TENM4: variants seen among roughly 807,000 people sequenced by gnomAD.
The protein encoded by TENM4 is teneurin transmembrane protein 4.
In TENM4, 82 loss-of-function variants were observed where a neutral mutation model predicts 243.3. The observed-to-expected ratio is 0.34, with a 90% CI of 0.28 to 0.40. TENM4 has a LOEUF of 0.40. Among genes scored for constraint, TENM4 ranks in the 10% least tolerant of loss-of-function variants. The pLI is 1.00. For synonymous variants in TENM4, 1,412 were observed against 1,456.3 expected (o/e 0.97, Z 0.69); for missense variants, 3,138 against 3,673.3 (o/e 0.85, Z 3.77).
chr11:78,704,726 AG>A (rs1459763407), intron 27 of TENM4, among the ~76,000 whole-genome samples: 2 of 152,214 alleles, frequency 1.3e-5, no homozygotes, highest in Non-Finnish European at 2.9e-5. Flanking sequence ...GTAAGATTAA[AG>A]GTGATTTTAA....
At chr11:79,215,131 T>G (rs1424070003) in intron 3 of TENM4, among the ~76,000 whole-genome samples, 1 of 152,218 alleles carries the variant, frequency 6.6e-6, no homozygotes, top group South Asian at 2.1e-4. Context: ...CCTCCCTCAA[T>G]GTAACCAGTT....
At chr11:79,063,198 C>G (rs76393402) in intron 6 of TENM4, among the ~76,000 whole-genome samples, 1 of 152,204 alleles carries the variant, frequency 6.6e-6, no homozygotes, top group Non-Finnish European at 1.5e-5. Context: ...CCTGACCGTG[C>G]GTGGTCTCCT....
At chr11:78,724,381 G>A (rs1323059617) in intron 23 of TENM4, among the ~76,000 whole-genome samples, 4 of 152,256 alleles carry the variant, frequency 2.6e-5, no homozygotes, top group African/African-American at 9.6e-5. Flanking sequence ...CATGAGCCAC[G>A]GTGCCTGGCC....
At chr11:79,348,885 A>T (rs978755928) in intron 1 of TENM4, among the ~76,000 whole-genome samples, 2 of 152,230 alleles carry the variant, frequency 1.3e-5, no homozygotes, top group African/African-American at 4.8e-5. Context: ...TAAAATTAGG[A>T]TTAGATGGAA....
chr11:79,066,687 T>C (rs528635375), intron 5 of TENM4, among the ~76,000 whole-genome samples: 2 of 144,506 alleles, frequency 1.4e-5, no homozygotes, highest in South Asian at 2.2e-4. Flanking sequence ...CACGCACGCA[T>C]GCACACTCGA....
chr11:78,756,986 G>T lies in TENM4; in HGVS notation c.2575C>A (p.Leu859Ile), dbSNP rs1856325879. Reference sequence around the variant, plus strand: ...GGGTTGATATGGCACAGGGGCTGGAGGCAGCAGTCAGGGTCCATGCAGTCC... The same window carrying T: ...GGGTTGATATGGCACAGGGGCTGGATGCAGCAGTCAGGGTCCATGCAGTCC... ...LVDCMDPDCCLQPLCHINPLC... is the reference protein window; with the variant it reads ...LVDCMDPDCCIQPLCHINPLC... The change falls in exon 19 of 34, where the codon CTC (leucine) becomes ATC (isoleucine). Residue 859 changes from leucine to isoleucine, a missense_variant. This residue lies in a region of TENM4 where 2,467 missense variants were observed against 3,059.1 expected (regional missense o/e 0.81). Coordinates refer to ENST00000278550, the MANE Select transcript of TENM4 (RefSeq NM_001098816.3). The T allele has an allele frequency of 1.2e-6, 2 of 1,613,862 alleles. No homozygotes were observed. The highest frequency in any genetic ancestry group is 1.7e-6 in the Non-Finnish European group (2 of 1,179,886).
chr11:79,355,011 C>T (rs1857473264), intron 1 of TENM4, among the ~76,000 whole-genome samples: 1 of 152,186 alleles, frequency 6.6e-6, no homozygotes, highest in African/African-American at 2.4e-5. Context: ...ACTGGGTCTA[C>T]ATTTAAAAGA....
At chr11:79,225,037 G>C (rs1257539773) in intron 2 of TENM4, among the ~76,000 whole-genome samples, 1 of 152,104 alleles carries the variant, frequency 6.6e-6, no homozygotes, top group Non-Finnish European at 1.5e-5. Flanking sequence ...GATTCACGCT[G>C]TCCCAAGCCA....
chr11:78,676,031 A>G, intron 30 of TENM4, 121 bp downstream of exon 30: 1 of 960,424 alleles, frequency 1.0e-6, no homozygotes, highest in Non-Finnish European at 1.5e-6. Flanking sequence ...TCCCTGATTT[A>G]GTTCTCCCCT....
At chr11:79,259,372 T>C (rs1415629834) in intron 2 of TENM4, among the ~76,000 whole-genome samples, 4 of 152,196 alleles carry the variant, frequency 2.6e-5, no homozygotes, top group African/African-American at 9.6e-5. Flanking sequence ...TGTTAAGTCC[T>C]AGGCATTGGA....
At chr11:79,084,886 A>T (rs1335619982) in intron 4 of TENM4, among the ~76,000 whole-genome samples, 6 of 152,188 alleles carry the variant, frequency 3.9e-5, no homozygotes, top group Admixed American at 3.9e-4. Context: ...ATGCAAGTAA[A>T]ATGGGGAATC....
chr11:78,850,778 C>T (rs939913617), intron 12 of TENM4, among the ~76,000 whole-genome samples: 3 of 152,106 alleles, frequency 2.0e-5, no homozygotes, highest in Admixed American at 6.5e-5. Context: ...GTGCTAAGCA[C>T]TTTCTATTTC....
chr11:79,124,873 GTGTATATATGTATATGTATA>G (rs2137141768), intron 4 of TENM4, among the ~76,000 whole-genome samples: 1 of 115,990 alleles, frequency 8.6e-6, no homozygotes, highest in South Asian at 3.1e-4. Flanking sequence ...GTATATGTAT[GTGTATATATGTATATGTATA>G]TGTGTGTGTG....
At chr11:78,916,703 T>G (rs1856324787) in intron 6 of TENM4, among the ~76,000 whole-genome samples, 1 of 152,152 alleles carries the variant, frequency 6.6e-6, no homozygotes. Flanking sequence ...AATTTCTCCA[T>G]TTTGCAGATG....
At chr11:78,872,234 G>A (rs1859151441) in intron 9 of TENM4, among the ~76,000 whole-genome samples, 1 of 152,100 alleles carries the variant, frequency 6.6e-6, no homozygotes, top group Non-Finnish European at 1.5e-5. Flanking sequence ...ATCCTGATCA[G>A]GACAAAAATG....
intron 1 of TENM4, among the ~76,000 whole-genome samples, chr11:79,338,256 T>C (rs1425894353): frequency 1.3e-5 from 2 of 152,234 alleles, no homozygotes; most frequent in Non-Finnish European, 2.9e-5. Context: ...TCCTCACCTA[T>C]AGACAACAAG....
intron 4 of TENM4, among the ~76,000 whole-genome samples, chr11:79,075,773 G>A (rs1192941506): frequency 1.3e-5 from 2 of 152,230 alleles, no homozygotes; most frequent in Non-Finnish European, 2.9e-5. Context: ...GACTCGGCCT[G>A]TCAGTCTGCT....
chr11:78,670,189 G>A lies in TENM4; in HGVS notation c.6156C>T (p.Thr2052=). ...KTINLQNEGF[T]CTIRYRQIGP... is the part of the protein sequence containing the mutation. ...CAATCTGACGGTAGCGGATGGTGCAGGTGAAGCCCTCATTCTGTAGGTTGA... is the reference window on the plus strand; with the variant it reads ...CAATCTGACGGTAGCGGATGGTGCAAGTGAAGCCCTCATTCTGTAGGTTGA... The change falls in exon 32 of 34, where the codon ACC becomes ACT. Residue 2052 remains threonine, a synonymous_variant. Transcript: ENST00000278550. The A allele has an allele frequency of 6.2e-7, 1 of 1,613,920 alleles. No homozygotes were observed. The highest frequency in any genetic ancestry group is 8.5e-7 in the Non-Finnish European group (1 of 1,179,866).
intron 6 of TENM4, among the ~76,000 whole-genome samples, chr11:79,008,867 T>C (rs610398): frequency 0.55 from 83,427 of 152,094 alleles, 23,094 homozygotes; most frequent in South Asian, 0.59. Flanking sequence ...TCAGTTCACA[T>C]TTCCATCCAC....
Sources: allele counts gnomAD v4.1 joint callset (sites outside exome capture counted in the v4.1 genomes callset), GRCh38; gene constraint gnomAD v4.1.1; regional missense constraint gnomAD v4.1.1; transcripts MANE v1.5; gene names NCBI Gene and HGNC (gene_info 2026-07-23, HGNC 2026-07-21).